The following PRLR variants were observed in gnomAD, a reference collection of about 807,000 sequenced individuals.
The protein encoded by PRLR is prolactin receptor.
A neutral mutation model predicts 40.2 loss-of-function variants in PRLR; 13 were observed. That is an observed-to-expected ratio of 0.32 (90% CI 0.21 to 0.51). PRLR has a LOEUF of 0.51. PRLR is among the 20% of genes least tolerant of loss of function. The pLI is 0.97. For missense variants in PRLR, 656 were observed against 747.3 expected, an observed-to-expected ratio of 0.88 and a Z score of 1.42; for synonymous variants, 269 against 278.7, an observed-to-expected ratio of 0.97 and a Z score of 0.35.
Position 35,064,069 on chromosome 5 carries a change from C to A in PRLR, c.*1020G>T, listed in dbSNP as rs1402662177. 3.9e-5 allele frequency: 6 copies of A among 152,156 alleles called. No homozygotes were observed. Among genetic ancestry groups the A allele is most frequent in the Admixed American group, 3.9e-4 (6 of 15,268 alleles). 9.4% of individuals were successfully genotyped at this position (152,156 alleles called of 1,614,324 possible). On this transcript the variant is annotated 3_prime_UTR_variant, in exon 10 of 10. Transcript: ENST00000618457. ...TATATACTACTATGTACTGTAAATA[C>A]ACATTATAACCTTGCAGCAGAAAAT...
chr5:35,130,555 G>T (rs1050837729), intron 1 of PRLR, among the ~76,000 whole-genome samples: 2 of 152,126 alleles, frequency 1.3e-5, no homozygotes, highest in Admixed American at 6.5e-5. Flanking sequence ...CTCAATCCTT[G>T]TCAAAAATCA....
intron 1 of PRLR, among the ~76,000 whole-genome samples, chr5:35,182,074 G>C (rs1054702253): frequency 2.0e-5 from 3 of 152,140 alleles, no homozygotes; most frequent in Non-Finnish European, 4.4e-5. Flanking sequence ...CAAACAAGGG[G>C]CTTTGATGGT....
chr5:35,073,940 T>C (rs1769908606), intron 5 of PRLR, among the ~76,000 whole-genome samples: 1 of 152,146 alleles, frequency 6.6e-6, no homozygotes, highest in Non-Finnish European at 1.5e-5. Context: ...ATACTGCTGG[T>C]AGGAATGTAA....
intron 1 of PRLR, among the ~76,000 whole-genome samples, chr5:35,206,393 T>A (rs1177352853): frequency 6.6e-6 from 1 of 152,128 alleles, no homozygotes; most frequent in Non-Finnish European, 1.5e-5. Context: ...AGAAATCAGA[T>A]AACCATAGAA....
At chr5:35,199,141 A>C (rs1297480787) in intron 1 of PRLR, among the ~76,000 whole-genome samples, 1 of 151,258 alleles carries the variant, frequency 6.6e-6, no homozygotes, top group Non-Finnish European at 1.5e-5. Flanking sequence ...CCCTCACCAG[A>C]AGGTTACAGA....
intron 1 of PRLR, among the ~76,000 whole-genome samples, chr5:35,148,283 C>T (rs113215407): frequency 0.015 from 2,264 of 152,142 alleles, 65 homozygotes; most frequent in African/African-American, 0.051. Context: ...AACAATATTC[C>T]AACCATTCAA....
intron 1 of PRLR, among the ~76,000 whole-genome samples, chr5:35,173,996 C>A (rs531294184): frequency 2.0e-5 from 3 of 152,170 alleles, no homozygotes; most frequent in African/African-American, 4.8e-5. Flanking sequence ...CCCCACCCCA[C>A]AACAGGCCCC....
At chr5:35,167,788 A>T (rs934589976) in intron 1 of PRLR, among the ~76,000 whole-genome samples, 6 of 152,068 alleles carry the variant, frequency 3.9e-5, no homozygotes, top group Non-Finnish European at 8.8e-5. Context: ...ATTACAACAG[A>T]GGCCTAATTA....
Position 35,144,009 on chromosome 5 carries a change from A to G in PRLR, c.-105-25887T>C, listed in dbSNP as rs193251875. On this transcript the variant is annotated intron_variant, in intron 1 of 9. Transcript: ENST00000618457. ...TGTTAATTGAAATCATGTGTTCTGTAGACATTTTGCCTTCTCTTAGCTCTA... is the reference window on the plus strand; with the variant it reads ...TGTTAATTGAAATCATGTGTTCTGTGGACATTTTGCCTTCTCTTAGCTCTA... Among the ~76,000 whole-genome samples the G allele has an allele frequency of 2.0e-5, 3 of 152,108 alleles. No individual in the cohort carries two copies. In the East Asian group the frequency reaches 5.8e-4, roughly 29 times the overall value.
chr5:35,089,037 C>A (rs1367900653), intron 3 of PRLR, among the ~76,000 whole-genome samples: 1 of 152,196 alleles, frequency 6.6e-6, no homozygotes, highest in African/African-American at 2.4e-5. Context: ...CAGGCACCCA[C>A]CCTCTCATTT....
intron 5 of PRLR, among the ~76,000 whole-genome samples, chr5:35,080,249 G>A (rs1410383479): frequency 2.0e-5 from 3 of 152,018 alleles, no homozygotes; most frequent in African/African-American, 7.3e-5. Context: ...AGAGTGAACA[G>A]GCAACCTACA....
chr5:35,098,350 G>A (rs892865530), intron 2 of PRLR, among the ~76,000 whole-genome samples: 2 of 152,156 alleles, frequency 1.3e-5, no homozygotes, highest in African/African-American at 4.8e-5. Context: ...TGAGAGCCCA[G>A]CTGAACCCAG....
At position 35,084,321 on chromosome 5, in the gene PRLR, T is replaced by C. The variant is rs930676949; in HGVS notation, c.373+149A>G. On this transcript the variant is annotated intron_variant, in intron 5 of 9. Transcript: ENST00000618457. ...ATGAATGACTTGATAAAAAATGATT[T>C]GAACTGTTCTGTTGACAAGCATATC... The C allele has an allele frequency of 1.6e-5, 12 of 764,278 alleles. No homozygotes were observed. The African/African-American group carries it at 2.2e-4, about 14-fold the overall frequency. The allele number at this position is 764,278 out of a possible 1,614,324, so 47.3% of individuals were successfully genotyped here. A position where few individuals can be genotyped will look rare whatever the true frequency, so the allele number is the denominator to read the frequency against.
Position 35,065,853 on chromosome 5 carries a change from C to G in PRLR, c.1105G>C (p.Ala369Pro), listed in dbSNP as rs756461447. 6.2e-7 allele frequency: 1 copy of G among 1,614,082 alleles called. No individual in the cohort carries two copies. The highest frequency in any genetic ancestry group is 1.1e-5 in the South Asian group (1 of 91,072). Residue 369 changes from alanine (A) to proline (P), a missense_variant, in exon 10 of 10, where the codon GCC (alanine) becomes CCC (proline). By Grantham distance (27) the Ala-to-Pro change is conservative. This residue lies in a region of PRLR where 469 missense variants were observed against 491.5 expected (regional missense o/e 0.95). Transcript: ENST00000618457. Reference sequence around the variant, plus strand: ...GGATCATAGAATGTGGAGGGATTGGCCTGGGGTTCCTCACACTTTTCAGAC... The same window carrying G: ...GGATCATAGAATGTGGAGGGATTGGGCTGGGGTTCCTCACACTTTTCAGAC... ...LLSEKCEEPQANPSTFYDPEV... is the reference protein window; with the variant it reads ...LLSEKCEEPQPNPSTFYDPEV...
intron 1 of PRLR, among the ~76,000 whole-genome samples, chr5:35,130,994 A>G (rs1773652107): frequency 6.6e-6 from 1 of 152,198 alleles, no homozygotes; most frequent in African/African-American, 2.4e-5. Context: ...CAGAGGGAGC[A>G]TGGCCCTGCT....
intron 1 of PRLR, among the ~76,000 whole-genome samples, chr5:35,162,078 A>G (rs1456184282): frequency 2.0e-5 from 3 of 152,216 alleles, no homozygotes; most frequent in Non-Finnish European, 4.4e-5. Context: ...CCGCTTTTCC[A>G]ATGAGTCCTG....
rs75324320 is a variant in PRLR at position 35,168,269 on chromosome 5, C to T, written c.-105-50147G>A. Among the ~76,000 whole-genome samples the T allele has an allele frequency of 1.2e-3, 185 of 151,936 alleles. 1 individual carries two copies. The highest frequency in any genetic ancestry group is 4.1e-3 in the African/African-American group (172 of 41,496). On this transcript the variant is annotated intron_variant, in intron 1 of 9. Coordinates refer to ENST00000618457, the MANE Select transcript of PRLR (RefSeq NM_000949.7). Reference sequence around the variant, plus strand: ...AATACACAATCATAGAAGATGTTAGCGCACCATTCTCATATCTGATTAAAC... The same window carrying T: ...AATACACAATCATAGAAGATGTTAGTGCACCATTCTCATATCTGATTAAAC...
chr5:35,110,176 T>C (rs1032401892), intron 2 of PRLR, among the ~76,000 whole-genome samples: 18 of 152,058 alleles, frequency 1.2e-4, no homozygotes, highest in African/African-American at 4.1e-4. Context: ...ATGAGAACAG[T>C]TGGACACAGG....
intron 1 of PRLR, among the ~76,000 whole-genome samples, chr5:35,137,850 G>A (rs1773906454): frequency 6.6e-6 from 1 of 152,140 alleles, no homozygotes; most frequent in Non-Finnish European, 1.5e-5. Flanking sequence ...AAGCAGATTC[G>A]CTTGAACCCG....
Sources: allele counts gnomAD v4.1 joint callset (sites outside exome capture counted in the v4.1 genomes callset), GRCh38; gene constraint gnomAD v4.1.1; regional missense constraint gnomAD v4.1.1; transcripts MANE v1.5; gene names NCBI Gene and HGNC (gene_info 2026-07-23, HGNC 2026-07-21).